SNTG1: variants seen among roughly 807,000 people sequenced by gnomAD.
SNTG1 encodes the protein syntrophin gamma 1, also known as gamma-1-syntrophin.
In SNTG1, 39 loss-of-function variants were observed where a neutral mutation model predicts 74.7. The observed-to-expected ratio is 0.52, with a 90% confidence interval of 0.40 to 0.68. SNTG1 has a LOEUF of 0.68. SNTG1 is among the 30% of genes least tolerant of loss of function. The pLI is 0.00. For missense variants in SNTG1, 685 were observed against 609.5 expected (o/e 1.12, Z -1.30); for synonymous variants, 254 against 217.1 (o/e 1.17, Z -1.49).
chr8:50,021,490 G>C (rs1816808092), intron 1 of SNTG1, among the ~76,000 whole-genome samples: 1 of 152,118 alleles, frequency 6.6e-6, no homozygotes, highest in Admixed American at 6.6e-5. Context: ...TTTCTCCCAT[G>C]AGTTAATTAA....
intron 2 of SNTG1, among the ~76,000 whole-genome samples, chr8:50,364,335 A>C (rs2092046697): frequency 6.6e-6 from 1 of 152,172 alleles, no homozygotes; most frequent in African/African-American, 2.4e-5. Flanking sequence ...TATCACTCTT[A>C]TCACTTAGCA....
chr8:49,916,426 G>A (rs143307895), intron 1 of SNTG1, among the ~76,000 whole-genome samples: 187 of 152,022 alleles, frequency 1.2e-3, no homozygotes, highest in African/African-American at 4.2e-3. Context: ...AAGTGATCAT[G>A]TTATATTTTT....
At chr8:50,645,455 A>AT (rs925087697) in intron 13 of SNTG1, among the ~76,000 whole-genome samples, 1 of 151,236 alleles carries the variant, frequency 6.6e-6, no homozygotes, top group African/African-American at 2.4e-5. Context: ...TTGTGTGTGG[A>AT]TTTTTTTCTC....
chr8:50,530,283 A>G, intron 10 of SNTG1, 24 bp downstream of exon 10: 1 of 1,604,314 alleles, frequency 6.2e-7, no homozygotes, highest in African/African-American at 1.3e-5. Context: ...GGCATAGCTC[A>G]GATTAATAAG....
chr8:50,236,616 A>G (rs961022346), intron 2 of SNTG1, among the ~76,000 whole-genome samples: 1 of 151,848 alleles, frequency 6.6e-6, no homozygotes, highest in Non-Finnish European at 1.5e-5. Context: ...GCGCCCGGCT[A>G]ATTTTTTGTG....
intron 1 of SNTG1, among the ~76,000 whole-genome samples, chr8:50,006,920 G>A (rs1815295925): frequency 6.6e-6 from 1 of 152,192 alleles, no homozygotes; most frequent in East Asian, 1.9e-4. Context: ...GTTTCCCACA[G>A]TGTGATATCC....
chr8:50,748,118 G>A (rs2095559329), intron 17 of SNTG1, among the ~76,000 whole-genome samples: 1 of 151,950 alleles, frequency 6.6e-6, no homozygotes, highest in African/African-American at 2.4e-5. Flanking sequence ...TGGAGACCAT[G>A]GGTAATGTCT....
intron 17 of SNTG1, among the ~76,000 whole-genome samples, chr8:50,741,649 G>T (rs1297503485): frequency 6.6e-6 from 1 of 151,920 alleles, no homozygotes; most frequent in Admixed American, 6.6e-5. Context: ...TATGTGAATG[G>T]ATAACTAAAC....
chr8:50,150,730 T>C (rs924467299), intron 1 of SNTG1, among the ~76,000 whole-genome samples: 23 of 152,100 alleles, frequency 1.5e-4, no homozygotes, highest in Non-Finnish European at 4.4e-5. Flanking sequence ...AGCCTGTATG[T>C]TGAACCAGAC....
intron 1 of SNTG1, among the ~76,000 whole-genome samples, chr8:49,966,039 T>A (rs1811105453): frequency 6.6e-6 from 1 of 152,208 alleles, no homozygotes; most frequent in Non-Finnish European, 1.5e-5. Context: ...GCTGCAAGTA[T>A]ACTCAGCATG....
chr8:49,996,495 A>G (rs1426753599), intron 1 of SNTG1, among the ~76,000 whole-genome samples: 1 of 152,076 alleles, frequency 6.6e-6, no homozygotes, highest in Non-Finnish European at 1.5e-5. Context: ...CTCATACTGC[A>G]TCTTGGAGAG....
intron 2 of SNTG1, among the ~76,000 whole-genome samples, chr8:50,320,647 T>G (rs1407473626): frequency 6.6e-6 from 1 of 152,068 alleles, no homozygotes; most frequent in Non-Finnish European, 1.5e-5. Context: ...TGTAGGCACT[T>G]GTAGCTATAA....
intron 17 of SNTG1, among the ~76,000 whole-genome samples, chr8:50,718,572 T>G (rs1216412448): frequency 2.6e-5 from 4 of 152,154 alleles, no homozygotes; most frequent in African/African-American, 4.8e-5. Flanking sequence ...CCCAGGCATG[T>G]CCTTTTCTTG....
intron 2 of SNTG1, among the ~76,000 whole-genome samples, chr8:50,213,882 C>T (rs960323192): frequency 1.3e-5 from 2 of 151,512 alleles, no homozygotes; most frequent in Admixed American, 6.6e-5. Flanking sequence ...TGTAGGTTGC[C>T]TGTTCACTCT....
intron 1 of SNTG1, among the ~76,000 whole-genome samples, chr8:50,002,210 C>A (rs1397807101): frequency 6.6e-6 from 1 of 151,986 alleles, no homozygotes; most frequent in Non-Finnish European, 1.5e-5. Context: ...TTTAAAAGGC[C>A]CAACTCCAAA....
At chr8:50,454,313 G>A (rs1459710694) in intron 8 of SNTG1, among the ~76,000 whole-genome samples, 1 of 151,422 alleles carries the variant, frequency 6.6e-6, no homozygotes, top group Non-Finnish European at 1.5e-5. Context: ...TGACCAACAT[G>A]GTGAAATCCC....
chr8:50,334,578 T>A (rs2091077490), intron 2 of SNTG1, among the ~76,000 whole-genome samples: 1 of 151,810 alleles, frequency 6.6e-6, no homozygotes, highest in South Asian at 2.1e-4. Flanking sequence ...CATTTTACCT[T>A]ATTTCTGTAG....
chr8:50,097,599 C>T (rs867757080), intron 1 of SNTG1, among the ~76,000 whole-genome samples: 2 of 150,726 alleles, frequency 1.3e-5, no homozygotes, highest in South Asian at 2.2e-4. Context: ...TTGCAGTGAG[C>T]GGAGATCGCG....
At chr8:50,233,008 A>C (rs1244345438) in intron 2 of SNTG1, among the ~76,000 whole-genome samples, 1 of 151,632 alleles carries the variant, frequency 6.6e-6, no homozygotes, top group Non-Finnish European at 1.5e-5. Context: ...ACATAAGTTT[A>C]ATGAAATTCC....
Sources: gnomAD v4.1 joint callset for allele counts (sites outside exome capture counted in the v4.1 genomes callset) on GRCh38, gnomAD v4.1.1 for gene constraint, MANE v1.5 for transcripts, NCBI Gene and HGNC (gene_info 2026-07-23, HGNC 2026-07-21) for gene names.